Variants in EPHA5 observed in about 807,000 individuals in gnomAD.
EPHA5 encodes ephrin type-A receptor 5.
In EPHA5, 60 loss-of-function variants were observed where a neutral mutation model predicts 105.0. The ratio of observed to expected loss-of-function variants is 0.57; its 90% confidence interval spans 0.46 to 0.71. EPHA5 has a LOEUF of 0.71. Among genes scored for constraint, EPHA5 ranks in the 30% least tolerant of loss-of-function variants. EPHA5 has a pLI of 0.00. For synonymous variants in EPHA5, 513 were observed against 449.1 expected, an observed-to-expected ratio of 1.14 and a Z score of -1.80; for missense variants, 1,218 against 1,274.7, an observed-to-expected ratio of 0.96 and a Z score of 0.68.
chr4:65,358,053 G>C (rs1296685779), intron 11 of EPHA5, among the ~76,000 whole-genome samples: 1 of 151,282 alleles, frequency 6.6e-6, no homozygotes, highest in African/African-American at 2.4e-5. Flanking sequence ...CATAGACATG[G>C]CCTGGGAACT....
At chr4:65,510,480 A>G (rs1044337418) in intron 3 of EPHA5, among the ~76,000 whole-genome samples, 1 of 152,208 alleles carries the variant, frequency 6.6e-6, no homozygotes, top group African/African-American at 2.4e-5. Context: ...CTTTGAGGTC[A>G]CATAGACTTG....
At chr4:65,516,573 C>T (rs182165367) in intron 3 of EPHA5, among the ~76,000 whole-genome samples, 26 of 151,800 alleles carry the variant, frequency 1.7e-4, no homozygotes, top group East Asian at 3.9e-4. Context: ...TGGGCATGCG[C>T]GCGTGCATAT....
chr4:65,602,612 G>T (rs1403354922), intron 2 of EPHA5, among the ~76,000 whole-genome samples: 1 of 152,026 alleles, frequency 6.6e-6, no homozygotes, highest in East Asian at 1.9e-4. Context: ...AAAAGTAAAA[G>T]AAATTTAAAC....
At chr4:65,407,319 T>TA (rs935301499) in intron 7 of EPHA5, among the ~76,000 whole-genome samples, 2 of 152,034 alleles carry the variant, frequency 1.3e-5, no homozygotes, top group African/African-American at 4.8e-5. Context: ...GAAATAAGGG[T>TA]AAAAACAGAG....
At chr4:65,361,930 G>A (rs1717366956) in intron 11 of EPHA5, among the ~76,000 whole-genome samples, 1 of 151,606 alleles carries the variant, frequency 6.6e-6, no homozygotes, top group Non-Finnish European at 1.5e-5. Flanking sequence ...TAAGGATGCT[G>A]CAGTGAAAAA....
chr4:65,340,667 C>A (rs1290118598), intron 14 of EPHA5, among the ~76,000 whole-genome samples: 2 of 152,098 alleles, frequency 1.3e-5, no homozygotes, highest in African/African-American at 2.4e-5. Flanking sequence ...AGTAACCTGC[C>A]TTTTCTGAAT....
intron 3 of EPHA5, among the ~76,000 whole-genome samples, chr4:65,525,722 C>A (rs1233195182): frequency 6.6e-6 from 1 of 151,780 alleles, no homozygotes; most frequent in African/African-American, 2.4e-5. Context: ...AGAAAAGCCC[C>A]CTGGCATGAA....
At chr4:65,449,916 C>A (rs1726915698) in intron 5 of EPHA5, among the ~76,000 whole-genome samples, 1 of 151,970 alleles carries the variant, frequency 6.6e-6, no homozygotes, top group Non-Finnish European at 1.5e-5. Flanking sequence ...GATCAGGGCT[C>A]TGTCTACATC....
intron 2 of EPHA5, among the ~76,000 whole-genome samples, chr4:65,609,835 T>A (rs1744598776): frequency 6.6e-6 from 1 of 152,030 alleles, no homozygotes; most frequent in Admixed American, 6.6e-5. Context: ...TATTTCTTAG[T>A]TAAATATCAT....
At chr4:65,555,577 T>G (rs1442265433) in intron 3 of EPHA5, among the ~76,000 whole-genome samples, 1 of 151,902 alleles carries the variant, frequency 6.6e-6, no homozygotes, top group Admixed American at 6.6e-5. Context: ...AACTCCATCT[T>G]CTGTTTTCTC....
intron 5 of EPHA5, among the ~76,000 whole-genome samples, chr4:65,441,557 G>A (rs1055983025): frequency 6.6e-6 from 1 of 152,002 alleles, no homozygotes; most frequent in African/African-American, 2.4e-5. Flanking sequence ...GGAAAAAAGG[G>A]AGAGAGGAAG....
At chr4:65,374,361 A>G (rs1322779063) in intron 8 of EPHA5, among the ~76,000 whole-genome samples, 1 of 151,996 alleles carries the variant, frequency 6.6e-6, no homozygotes, top group Non-Finnish European at 1.5e-5. Context: ...GCAAGCAGGC[A>G]ACTATACTGA....
intron 14 of EPHA5, among the ~76,000 whole-genome samples, chr4:65,340,570 G>T (rs1377796151): frequency 6.6e-6 from 1 of 152,042 alleles, no homozygotes; most frequent in Non-Finnish European, 1.5e-5. Context: ...ATAGTGAGGG[G>T]GATTCAGAGT....
chr4:65,654,776 G>A lies in EPHA5; in HGVS notation c.182-11349C>T, dbSNP rs957199800. Reference sequence around the variant, plus strand: ...TATCTAAATTATAATGTCTAATTTAGATAGTTTCATTCTGTTATAAATCCT... The same window carrying A: ...TATCTAAATTATAATGTCTAATTTAAATAGTTTCATTCTGTTATAAATCCT... On this transcript the variant is annotated intron_variant, in intron 1 of 16. Coordinates refer to ENST00000613740, the MANE Select transcript of EPHA5 (RefSeq NM_001281766.3). Among the ~76,000 whole-genome samples, 50 of 145,154 alleles carry A rather than the reference G, an allele frequency of 3.4e-4. 1 individual carries two copies. In the South Asian group the frequency reaches 0.01, roughly 29 times the overall value.
intron 13 of EPHA5, among the ~76,000 whole-genome samples, chr4:65,349,888 C>T (rs1183270162): frequency 5.9e-5 from 9 of 152,000 alleles, no homozygotes; most frequent in Admixed American, 5.9e-4. Context: ...AATTTTTCTC[C>T]TGATCCTCTG....
At chr4:65,505,361 A>G (rs1732903833) in intron 3 of EPHA5, among the ~76,000 whole-genome samples, 1 of 152,164 alleles carries the variant, frequency 6.6e-6, no homozygotes, top group East Asian at 1.9e-4. Context: ...TTATGAACAA[A>G]TGGCACTTTT....
intron 1 of EPHA5, among the ~76,000 whole-genome samples, chr4:65,653,289 AT>A (rs1182267494): frequency 1.3e-5 from 2 of 152,014 alleles, no homozygotes; most frequent in Admixed American, 6.6e-5. Flanking sequence ...AGTGACCCAA[AT>A]TTTTGCTGAC....
intron 5 of EPHA5, among the ~76,000 whole-genome samples, chr4:65,468,765 A>T (rs1190408847): frequency 6.7e-6 from 1 of 149,764 alleles, no homozygotes; most frequent in African/African-American, 2.5e-5. Context: ...CAGCTTAAGT[A>T]CTAATAGACA....
At chr4:65,647,158 C>T (rs551853562) in intron 1 of EPHA5, among the ~76,000 whole-genome samples, 13 of 151,862 alleles carry the variant, frequency 8.6e-5, no homozygotes, top group Non-Finnish European at 1.8e-4. Flanking sequence ...GAAACCCCAT[C>T]TCTACTAAAA....
Sources: allele counts gnomAD v4.1 joint callset (sites outside exome capture counted in the v4.1 genomes callset), GRCh38; gene constraint gnomAD v4.1.1; transcripts MANE v1.5; gene names NCBI Gene and HGNC (gene_info 2026-07-23, HGNC 2026-07-21).